Variants in PCGF5 observed in about 807,000 individuals in gnomAD.
PCGF5 encodes the protein polycomb group ring finger 5, also known as polycomb group RING finger protein 5.
Under a neutral mutation model 44.3 loss-of-function variants are expected in PCGF5, and 9 were observed. The observed-to-expected ratio is 0.20, with a 90% CI of 0.12 to 0.35. The LOEUF (loss-of-function observed/expected upper bound fraction) is 0.35. PCGF5 is among the 10% of genes least tolerant of loss of function. PCGF5 has a pLI of 1.00. For missense variants in PCGF5, 146 were observed against 305.3 expected (o/e 0.48, Z 3.89); for synonymous variants, 95 against 102.5 (o/e 0.93, Z 0.44).
At chr10:91,167,001 G>A (rs951257476) in intron 1 of PCGF5, among the ~76,000 whole-genome samples, 4 of 152,048 alleles carry the variant, frequency 2.6e-5, no homozygotes, top group South Asian at 2.1e-4. Context: ...GGGAATGACC[G>A]ATTTCTAAGA....
chr10:91,249,978 A>T (rs1845584878), intron 5 of PCGF5, among the ~76,000 whole-genome samples: 1 of 152,048 alleles, frequency 6.6e-6, no homozygotes, highest in African/African-American at 2.4e-5. Context: ...AGCCTGAGGG[A>T]TTGTCATCAG....
chr10:91,197,607 A>G (rs1250559335), intron 1 of PCGF5, among the ~76,000 whole-genome samples: 1 of 152,134 alleles, frequency 6.6e-6, no homozygotes, highest in Admixed American at 6.5e-5. Context: ...GAACTTTTGA[A>G]TTTACTGGGG....
At chr10:91,237,245 G>A (rs1310300583) in intron 2 of PCGF5, among the ~76,000 whole-genome samples, 2 of 152,146 alleles carry the variant, frequency 1.3e-5, no homozygotes, top group African/African-American at 4.8e-5. Context: ...TTGGATACAT[G>A]TGCATATTTA....
At chr10:91,275,357 G>A (rs535988264) in intron 9 of PCGF5, among the ~76,000 whole-genome samples, 11 of 151,982 alleles carry the variant, frequency 7.2e-5, no homozygotes, top group African/African-American at 2.2e-4. Flanking sequence ...TAAGAGGTGG[G>A]GAAAGATAGT....
At chr10:91,178,779 T>A (rs146830629) in intron 1 of PCGF5, among the ~76,000 whole-genome samples, 2,725 of 147,674 alleles carry the variant, frequency 0.018, 21 homozygotes, top group Middle Eastern at 0.032. Flanking sequence ...AAAAAAAAAA[T>A]GTAATGATGA....
chr10:91,164,785 C>G (rs1366371245), intron 1 of PCGF5, among the ~76,000 whole-genome samples: 1 of 152,186 alleles, frequency 6.6e-6, no homozygotes, highest in African/African-American at 2.4e-5. Context: ...CCTTCTTGAT[C>G]GCCTTCATTA....
chr10:91,185,243 C>G (rs982215557), intron 1 of PCGF5, among the ~76,000 whole-genome samples: 13 of 152,324 alleles, frequency 8.5e-5, no homozygotes, highest in African/African-American at 3.1e-4. Context: ...GAGGTCCCAC[C>G]CAGTGAGGAG....
rs1846451897 is a variant in PCGF5, at chr10:91,281,430, T to G, written c.*3114T>G. ...AATATTGTGAACTGTTTAGCTTTAC[T>G]GAAATATTTAAGAGAAAGTGCCTCA... On this transcript the variant is annotated 3_prime_UTR_variant, in exon 10 of 10. Coordinates refer to ENST00000336126, the MANE Select transcript of PCGF5 (RefSeq NM_032373.5). The G allele has an allele frequency of 6.6e-6, 1 of 152,600 alleles. No homozygotes were observed. The highest frequency in any genetic ancestry group is 1.5e-5 in the Non-Finnish European group (1 of 67,970). 9.5% of individuals were successfully genotyped at this position (152,600 alleles called of 1,614,324 possible).
chr10:91,214,951 A>T (rs1306173180), intron 1 of PCGF5, among the ~76,000 whole-genome samples: 3 of 152,240 alleles, frequency 2.0e-5, no homozygotes, highest in Non-Finnish European at 4.4e-5. Flanking sequence ...AGTAGAAATG[A>T]GTGTTCTACT....
chr10:91,184,724 G>T (rs1272145325), intron 1 of PCGF5, among the ~76,000 whole-genome samples: 1 of 148,190 alleles, frequency 6.7e-6, no homozygotes, highest in African/African-American at 2.5e-5. Context: ...TTGCTGTTTT[G>T]TTTTTTTTTT....
intron 1 of PCGF5, among the ~76,000 whole-genome samples, chr10:91,186,946 G>T (rs897081929): frequency 6.6e-6 from 1 of 152,158 alleles, no homozygotes; most frequent in Non-Finnish European, 1.5e-5. Flanking sequence ...AGTGAAAATC[G>T]CTAGGCCAGT....
At chr10:91,214,005 A>G (rs538231981) in intron 1 of PCGF5, among the ~76,000 whole-genome samples, 1 of 152,280 alleles carries the variant, frequency 6.6e-6, no homozygotes, top group South Asian at 2.1e-4. Context: ...TCATGTCCTT[A>G]TAAGAAGAGG....
intron 1 of PCGF5, among the ~76,000 whole-genome samples, chr10:91,197,701 G>A (rs1015940763): frequency 2.0e-5 from 2 of 101,020 alleles, no homozygotes; most frequent in African/African-American, 5.0e-5. Flanking sequence ...TCTGTCAACC[G>A]GTACTGGACA....
At chr10:91,209,306 T>G (rs1322831121) in intron 1 of PCGF5, among the ~76,000 whole-genome samples, 8 of 152,188 alleles carry the variant, frequency 5.3e-5, no homozygotes, top group Non-Finnish European at 1.2e-4. Context: ...TTTAGACATC[T>G]GTCAGAAGTC....
At chr10:91,253,638 C>G (rs1050347263) in intron 6 of PCGF5, among the ~76,000 whole-genome samples, 3 of 152,030 alleles carry the variant, frequency 2.0e-5, no homozygotes, top group African/African-American at 7.2e-5. Flanking sequence ...TTCTTTCAAC[C>G]AGTCACTAAG....
intron 9 of PCGF5, among the ~76,000 whole-genome samples, chr10:91,277,330 A>G (rs1846342192): frequency 2.0e-5 from 3 of 152,350 alleles, no homozygotes; most frequent in South Asian, 4.1e-4. Flanking sequence ...CATGTATACC[A>G]AGATGGAGAA....
intron 6 of PCGF5, among the ~76,000 whole-genome samples, chr10:91,260,121 A>T (rs1845860509): frequency 6.6e-6 from 1 of 152,016 alleles, no homozygotes. Flanking sequence ...ATTTACAAGA[A>T]AAAACAACCC....
intron 1 of PCGF5, among the ~76,000 whole-genome samples, chr10:91,173,896 G>A (rs1265000472): frequency 6.6e-6 from 1 of 151,746 alleles, no homozygotes; most frequent in Non-Finnish European, 1.5e-5. Flanking sequence ...TTGATTATTT[G>A]TTAAAAGTTC....
rs372276157 is a variant in PCGF5, at chr10:91,213,551, G to A, written c.-183-9138G>A. On this transcript the variant is annotated intron_variant, in intron 1 of 9. Transcript: ENST00000614189. ...GTGATCTTGGCTCACTGCAACCTCC[G>A]CCTCCCAGGTTCAAGCGATTCTCCT... Among the ~76,000 whole-genome samples, 43 of 151,932 alleles carry A rather than the reference G, an allele frequency of 2.8e-4. No homozygotes were observed. The East Asian group carries it at 7.9e-3, about 28-fold the overall frequency.
Sources: gnomAD v4.1 joint callset for allele counts (sites outside exome capture counted in the v4.1 genomes callset) on GRCh38, gnomAD v4.1.1 for gene constraint, MANE v1.5 for transcripts, NCBI Gene and HGNC (gene_info 2026-07-23, HGNC 2026-07-21) for gene names.